The following MERTK variants were observed in gnomAD, a reference collection of about 807,000 sequenced individuals.
MERTK encodes MER proto-oncogene, tyrosine kinase.
A neutral mutation model predicts 99.3 loss-of-function variants in MERTK; 69 were observed. The observed-to-expected ratio is 0.70, with a 90% confidence interval of 0.57 to 0.85. The LOEUF (loss-of-function observed/expected upper bound fraction) is 0.85, where lower values mean the gene tolerates loss of function less well. Among genes scored for constraint, MERTK ranks in the 40% least tolerant of loss-of-function variants. MERTK has a pLI of 0.00. For synonymous variants in MERTK, 426 were observed against 467.6 expected (o/e 0.91, Z 1.15); for missense variants, 1,125 against 1,249.4 (o/e 0.90, Z 1.50).
intron 1 of MERTK, among the ~76,000 whole-genome samples, chr2:111,928,254 C>T (rs1299767352): frequency 1.7e-5 from 2 of 115,648 alleles, no homozygotes; most frequent in East Asian, 6.1e-4. Context: ...GAGACAGGGT[C>T]TCACTCTGTC....
Position 112,029,147 on chromosome 2 carries a change from G to T in MERTK, c.*283G>T. The T allele has an allele frequency of 1.8e-6, 2 of 1,090,650 alleles. No individual in the cohort carries two copies. Among genetic ancestry groups the T allele is most frequent in the Non-Finnish European group, 1.1e-6 (1 of 890,816 alleles). The allele number at this position is 1,090,650 out of a possible 1,614,324, so 67.6% of individuals were successfully genotyped here. A position where few individuals can be genotyped will look rare whatever the true frequency, so the allele number is the denominator to read the frequency against. ...TTGCATATCTTAAAATTAAGCTTCA[G>T]CTGCTCCTTGATATTAACATTTGTA... On this transcript the variant is annotated 3_prime_UTR_variant, in exon 19 of 19. Transcript: ENST00000295408.
intron 1 of MERTK, among the ~76,000 whole-genome samples, chr2:111,921,724 A>G (rs763338835): frequency 1.8e-4 from 28 of 151,718 alleles, no homozygotes; most frequent in Non-Finnish European, 3.7e-4. Flanking sequence ...ATAAGCCCTC[A>G]CTCTTTTGCA....
intron 1 of MERTK, among the ~76,000 whole-genome samples, chr2:111,907,101 G>A (rs1325723884): frequency 1.3e-5 from 2 of 152,162 alleles, no homozygotes; most frequent in East Asian, 1.9e-4. Flanking sequence ...GATGGAGGCT[G>A]TGTGAAGAGT....
intron 18 of MERTK, among the ~76,000 whole-genome samples, chr2:112,024,265 C>T (rs1171977644): frequency 1.3e-5 from 2 of 152,170 alleles, no homozygotes; most frequent in Admixed American, 6.5e-5. Context: ...TTTCCTTGCC[C>T]ACCAAAATAA....
At chr2:111,945,414 A>G (rs1684946002) in intron 3 of MERTK, among the ~76,000 whole-genome samples, 1 of 152,204 alleles carries the variant, frequency 6.6e-6, no homozygotes, top group Non-Finnish European at 1.5e-5. Context: ...CTGGTACCAG[A>G]TACCACTCAC....
intron 7 of MERTK, among the ~76,000 whole-genome samples, chr2:111,982,128 C>T (rs535600224): frequency 4.8e-4 from 73 of 151,484 alleles, no homozygotes; most frequent in Middle Eastern, 3.4e-3. Flanking sequence ...GGTGCAATTA[C>T]GGCTCACTGT....
intron 18 of MERTK, among the ~76,000 whole-genome samples, chr2:112,024,410 G>A (rs1439960717): frequency 6.6e-6 from 1 of 152,252 alleles, no homozygotes; most frequent in Non-Finnish European, 1.5e-5. Context: ...AGCAGAGTCA[G>A]CACACGCCGT....
intron 15 of MERTK, among the ~76,000 whole-genome samples, chr2:112,019,089 G>A (rs1467018739): frequency 6.6e-6 from 1 of 151,992 alleles, no homozygotes; most frequent in East Asian, 1.9e-4. Context: ...TGTGCAATGC[G>A]TGTGCTCTGT....
chr2:111,933,265 C>T (rs759841775), intron 2 of MERTK, among the ~76,000 whole-genome samples: 26 of 152,192 alleles, frequency 1.7e-4, no homozygotes, highest in Admixed American at 5.9e-4. Context: ...GCAGTGACCT[C>T]TCTTCTCACA....
chr2:111,947,007 G>A (rs1405084235), intron 3 of MERTK, among the ~76,000 whole-genome samples: 1 of 152,142 alleles, frequency 6.6e-6, no homozygotes, highest in Admixed American at 6.5e-5. Context: ...GGGCGCGGTG[G>A]CACGCCTGTA....
chr2:111,925,395 G>A (rs1311103178), intron 1 of MERTK, among the ~76,000 whole-genome samples: 4 of 137,128 alleles, frequency 2.9e-5, no homozygotes, highest in African/African-American at 1.1e-4. Context: ...TCTGCCTCCC[G>A]GGTTCAAGCG....
At chr2:111,967,857 C>T (rs1685388694) in intron 5 of MERTK, among the ~76,000 whole-genome samples, 1 of 152,158 alleles carries the variant, frequency 6.6e-6, no homozygotes, top group Non-Finnish European at 1.5e-5. Flanking sequence ...ATGAGTATTT[C>T]CACATCTTTT....
chr2:111,914,251 G>A (rs1248858245), intron 1 of MERTK, among the ~76,000 whole-genome samples: 1 of 151,296 alleles, frequency 6.6e-6, no homozygotes, highest in Non-Finnish European at 1.5e-5. Context: ...CTACAGGTGT[G>A]CACCACCACG....
chr2:111,965,096 C>A, intron 4 of MERTK, 95 bp from the exon 5 acceptor site: 1 of 1,237,888 alleles, frequency 8.1e-7, no homozygotes, highest in Non-Finnish European at 1.2e-6. Flanking sequence ...AAGCCATGAA[C>A]CAAGAAATAA....
Position 112,029,380 on chromosome 2 carries a change from CTTA to C in MERTK, c.*517_*519del. ...TATGAATAAGGAAGGATATGTTGAA[CTTA>C]CTTGAGACTTGAAAGACAGTGGTCG... On this transcript the variant is annotated 3_prime_UTR_variant, in exon 19 of 19. Coordinates refer to ENST00000295408, the MANE Select transcript of MERTK (RefSeq NM_006343.3). 2.0e-5 allele frequency: 19 copies of C among 933,988 alleles called. No homozygotes were observed. The South Asian group carries it at 2.5e-4, about 12-fold the overall frequency. 57.9% of individuals were successfully genotyped at this position (933,988 alleles called of 1,614,324 possible).
intron 8 of MERTK, among the ~76,000 whole-genome samples, chr2:111,986,722 G>A (rs11682629): frequency 0.21 from 31,905 of 152,198 alleles, 4,015 homozygotes; most frequent in Middle Eastern, 0.36. Context: ...CCACAGTTAA[G>A]GCTGTGACCT....
chr2:111,997,163 C>T (rs746423174), intron 9 of MERTK, 160 bp from the exon 10 acceptor site: 9 of 850,346 alleles, frequency 1.1e-5, no homozygotes, highest in African/African-American at 1.6e-5. Context: ...AAGATCTCTT[C>T]GCATGGTCTC....
intron 4 of MERTK, among the ~76,000 whole-genome samples, chr2:111,958,162 C>G (rs573882834): frequency 2.0e-5 from 3 of 152,168 alleles, no homozygotes; most frequent in South Asian, 4.2e-4. Context: ...TGTGGGGGTT[C>G]CAGTGCCCGG....
chr2:111,952,597 G>A (rs1685078798), intron 4 of MERTK: 1 of 152,218 alleles, frequency 6.6e-6, no homozygotes, highest in South Asian at 2.1e-4. Flanking sequence ...ACGGGGTGGT[G>A]GAACCGAGTG....
Sources: allele counts gnomAD v4.1 joint callset (sites outside exome capture counted in the v4.1 genomes callset), GRCh38; gene constraint gnomAD v4.1.1; transcripts MANE v1.5; gene names NCBI Gene and HGNC (gene_info 2026-07-23, HGNC 2026-07-21).